The following RHEB variants were observed in gnomAD, a reference collection of about 807,000 sequenced individuals.
The protein encoded by RHEB is GTP-binding protein Rheb.
In RHEB, 2 loss-of-function variants were observed where a neutral mutation model predicts 28.8. The ratio of observed to expected loss-of-function variants is 0.07; its 90% confidence interval spans 0.03 to 0.22. The LOEUF (loss-of-function observed/expected upper bound fraction) is 0.22. Among genes scored for constraint, RHEB ranks in the 10% least tolerant of loss-of-function variants. The pLI is 1.00. For synonymous variants in RHEB, 69 were observed against 77.3 expected (o/e 0.89, Z 0.56); for missense variants, 76 against 219.9 (o/e 0.35, Z 4.14).
chr7:151,484,953 G>C, intron 2 of RHEB, 149 bp from the exon 3 acceptor site: 1 of 589,996 alleles, frequency 1.7e-6, no homozygotes, highest in Non-Finnish European at 3.0e-6. Flanking sequence ...TCTCTGACTT[G>C]TATAGATTCT....
chr7:151,467,960 G>A (rs538945507), intron 7 of RHEB, among the ~76,000 whole-genome samples: 40 of 152,126 alleles, frequency 2.6e-4, no homozygotes, highest in African/African-American at 9.2e-4. Flanking sequence ...GGCTGGCCTC[G>A]AAAGCCTAGC....
chr7:151,503,713 CCA>C (rs1802815417), intron 1 of RHEB, among the ~76,000 whole-genome samples: 1 of 151,934 alleles, frequency 6.6e-6, no homozygotes, highest in Non-Finnish European at 1.5e-5. Flanking sequence ...AACAAGAATC[CCA>C]GTTTTTACTT....
intron 1 of RHEB, among the ~76,000 whole-genome samples, chr7:151,492,907 T>A (rs1249528407): frequency 1.3e-5 from 2 of 150,396 alleles, no homozygotes; most frequent in Non-Finnish European, 3.0e-5. Flanking sequence ...GGTGCAATCT[T>A]GGCTCACTGC....
intron 4 of RHEB, among the ~76,000 whole-genome samples, chr7:151,474,929 A>G (rs1418223849): frequency 6.6e-6 from 1 of 152,246 alleles, no homozygotes; most frequent in Non-Finnish European, 1.5e-5. Flanking sequence ...TTTCTAAAAA[A>G]CAAAACACCA....
At chr7:151,496,714 T>C (rs1802678246) in intron 1 of RHEB, among the ~76,000 whole-genome samples, 1 of 152,184 alleles carries the variant, frequency 6.6e-6, no homozygotes, top group South Asian at 2.1e-4. Flanking sequence ...ACTACTCTTT[T>C]GTAAGAAGTC....
At chr7:151,491,944 C>CT (rs1232097742) in intron 1 of RHEB, among the ~76,000 whole-genome samples, 1 of 152,174 alleles carries the variant, frequency 6.6e-6, no homozygotes, top group Non-Finnish European at 1.5e-5. Context: ...CACTCTTCTG[C>CT]TACCTAAAAT....
At position 151,494,961 on chromosome 7, in the gene RHEB, C is replaced by T. The variant is rs573372041; in HGVS notation, c.53-3947G>A. Among the ~76,000 whole-genome samples, 18 of 152,342 alleles carry T rather than the reference C, an allele frequency of 1.2e-4. No homozygotes were observed. In the South Asian group the frequency reaches 3.7e-3, roughly 32 times the overall value. ...CCCACCGCTCATTTTCAAGTGTTCT[C>T]AGTTCCAGTTGTAATTTCTGGCTTT... On this transcript the variant is annotated intron_variant, in intron 1 of 7. Transcript: ENST00000262187.
intron 1 of RHEB, among the ~76,000 whole-genome samples, chr7:151,492,158 A>G (rs1318424717): frequency 6.6e-6 from 1 of 152,212 alleles, no homozygotes; most frequent in Non-Finnish European, 1.5e-5. Flanking sequence ...TCACAACAGG[A>G]CGTGCAGTGA....
chr7:151,469,538 C>G (rs950728864), intron 7 of RHEB, among the ~76,000 whole-genome samples: 1 of 152,160 alleles, frequency 6.6e-6, no homozygotes, highest in African/African-American at 2.4e-5. Flanking sequence ...AGGCACCACC[C>G]TACTATACTA....
intron 4 of RHEB, 56 bp from the exon 5 acceptor site, chr7:151,471,661 GTATGT>G (rs1802164117): frequency 8.8e-7 from 1 of 1,133,922 alleles, no homozygotes; most frequent in Admixed American, 2.1e-5. Context: ...GTTTTTAAAT[GTATGT>G]TATGTTGCCA....
intron 2 of RHEB, among the ~76,000 whole-genome samples, chr7:151,486,616 G>C (rs1802480123): frequency 6.6e-6 from 1 of 152,168 alleles, no homozygotes; most frequent in South Asian, 2.1e-4. Flanking sequence ...ACAGAACTTG[G>C]GATTTTTACT....
chr7:151,514,692 A>ATGTC (rs1316243054), intron 1 of RHEB, among the ~76,000 whole-genome samples: 1 of 152,202 alleles, frequency 6.6e-6, no homozygotes, highest in Non-Finnish European at 1.5e-5. Context: ...AAATGAAAAC[A>ATGTC]TGTCTACATA....
intron 1 of RHEB, among the ~76,000 whole-genome samples, chr7:151,517,429 C>G (rs1367297382): frequency 6.7e-6 from 1 of 149,912 alleles, no homozygotes; most frequent in South Asian, 2.1e-4. Context: ...TCTCCAAAAT[C>G]GTTTAATATG....
At chr7:151,471,336 TA>T in intron 6 of RHEB, 57 bp downstream of exon 6, 2 of 1,083,076 alleles carry the variant, frequency 1.8e-6, no homozygotes, top group Non-Finnish European at 2.8e-6. Flanking sequence ...GAACAATAAT[TA>T]AAATGATACT....
Position 151,467,209 on chromosome 7 carries a change from A to G in RHEB, c.465T>C (p.Thr155=), listed in dbSNP as rs1802079700. 1 of 1,609,816 alleles carries G rather than the reference A, an allele frequency of 6.2e-7. No homozygotes were observed. Among genetic ancestry groups the G allele is most frequent in the Non-Finnish European group, 8.5e-7 (1 of 1,176,234 alleles). ...FLESSAKENQ[T]AVDVFRRIIL... is the part of the protein sequence containing the mutation. ...TTATCCTTCGAAAAACATCCACAGC[A>G]GTCTGAAAAGAGAAAGAAACCCAAT... The change falls in exon 8 of 8, where the codon ACT becomes ACC. Residue 155 remains threonine, a splice_region_variant and synonymous_variant. Transcript: ENST00000262187.
rs192830759 is a variant in RHEB, at chr7:151,509,756, G to A, written c.52+9704C>T. On this transcript the variant is annotated intron_variant, in intron 1 of 7. Coordinates refer to ENST00000262187, the MANE Select transcript of RHEB (RefSeq NM_005614.4). ...TGTTTTTTTCATCTTTAAGTGGTTGGAAAAAGAAACAGTATTTCATGATAC... is the reference window on the plus strand; with the variant it reads ...TGTTTTTTTCATCTTTAAGTGGTTGAAAAAAGAAACAGTATTTCATGATAC... 2.0e-5 allele frequency among the ~76,000 whole-genome samples: 3 copies of A among 152,230 alleles called. No homozygotes were observed. The East Asian group carries it at 5.8e-4, about 29-fold the overall frequency.
intron 2 of RHEB, among the ~76,000 whole-genome samples, chr7:151,485,841 C>T (rs1282109056): frequency 6.6e-6 from 1 of 152,158 alleles, no homozygotes; most frequent in Admixed American, 6.5e-5. Flanking sequence ...TCACACTTTT[C>T]TAATACAAGC....
At chr7:151,495,055 A>C (rs779932874) in intron 1 of RHEB, among the ~76,000 whole-genome samples, 16 of 152,256 alleles carry the variant, frequency 1.1e-4, no homozygotes, top group Non-Finnish European at 1.8e-4. Flanking sequence ...TGCAACCACA[A>C]AAAGGCATTG....
intron 1 of RHEB, among the ~76,000 whole-genome samples, chr7:151,499,471 C>T (rs1458849785): frequency 1.3e-5 from 2 of 152,212 alleles, no homozygotes; most frequent in Admixed American, 1.3e-4. Context: ...TGAATCCTAG[C>T]TGTGTCTTGA....
Sources: gnomAD v4.1 joint callset for allele counts (sites outside exome capture counted in the v4.1 genomes callset) on GRCh38, gnomAD v4.1.1 for gene constraint, MANE v1.5 for transcripts, NCBI Gene and HGNC (gene_info 2026-07-23, HGNC 2026-07-21) for gene names.